The following NR4A1 variants were observed in gnomAD, a reference collection of about 807,000 sequenced individuals.
NR4A1 encodes nuclear receptor subfamily 4immunitygroup A member 1.
In NR4A1, 24 loss-of-function variants were observed where a neutral mutation model predicts 47.5. That is an observed-to-expected ratio of 0.50 (90% CI 0.37 to 0.71). The LOEUF (loss-of-function observed/expected upper bound fraction) is 0.71. NR4A1 is among the 30% of genes least tolerant of loss of function. The pLI, the probability that NR4A1 is intolerant of heterozygous loss-of-function variation, is 0.00. For missense variants in NR4A1, 669 were observed against 788.6 expected, an observed-to-expected ratio of 0.85 and a Z score of 1.82; for synonymous variants, 353 against 345.7, an observed-to-expected ratio of 1.02 and a Z score of -0.24.
intron 1 of NR4A1, chr12:52,037,640 C>CT (rs1214309121): frequency 4.1e-6 from 4 of 985,480 alleles, no homozygotes; most frequent in Non-Finnish European, 4.8e-6. Context: ...AAGGCTTTCT[C>CT]TCCCCAGTCC....
chr12:52,025,063 CT>C (rs532559170), intron 1 of NR4A1, among the ~76,000 whole-genome samples: 1,531 of 132,128 alleles, frequency 0.012, 16 homozygotes, highest in Middle Eastern at 0.037. Flanking sequence ...CTCACTGCTG[CT>C]TTTTTTTTTT....
Position 52,054,947 on chromosome 12 carries a change from C to A in NR4A1, c.619C>A (p.Leu207Met). 2 of 1,614,214 alleles carry A rather than the reference C, an allele frequency of 1.2e-6. No individual in the cohort carries two copies. Among genetic ancestry groups the A allele is most frequent in the Non-Finnish European group, 1.7e-6 (2 of 1,180,036 alleles). The change falls in exon 2 of 7, where the codon CTG (leucine) becomes ATG (methionine). Residue 207 changes from leucine (L) to methionine (M), a missense_variant. Leu to Met is a conservative substitution (Grantham distance 15). Transcript: ENST00000394825. ...GPSPSLAQSP[L>M]KLFPSQATHQ... ...CAGCCCCAGCCTGGCCCAGAGCCCC[C>A]TGAAGTTGTTCCCCTCACAGGCCAC...
chr12:52,057,575 G>T (rs575654816), intron 6 of NR4A1, 45 bp downstream of exon 6: 1 of 1,604,102 alleles, frequency 6.2e-7, no homozygotes, highest in Non-Finnish European at 8.5e-7. Context: ...TGGGCGTCAG[G>T]GGGTTGACTG....
rs560388669 is a variant in NR4A1 at position 52,044,187 on chromosome 12, C to T, written c.37+2258C>T. ...CCCCACAGGGTGTCCGTCCTCCTCT[C>T]CTCTCCACCCCGCCTGGATGAGGCA... On this transcript the variant is annotated intron_variant, in intron 2 of 7. Coordinates refer to the NR4A1 transcript ENST00000360284. Among the ~76,000 whole-genome samples the T allele has an allele frequency of 1.3e-3, 194 of 152,364 alleles. 2 individuals carry two copies. Among genetic ancestry groups the T allele is most frequent in the Non-Finnish European group, 2.3e-3 (154 of 68,034 alleles).
chr12:52,025,642 A>G (rs1228745262), intron 1 of NR4A1, among the ~76,000 whole-genome samples: 1 of 152,102 alleles, frequency 6.6e-6, no homozygotes, highest in East Asian at 1.9e-4. Context: ...GTTCTCTTAT[A>G]AATGTTTTTG....
chr12:52,036,982 G>A (rs1592283404), intron 1 of NR4A1, among the ~76,000 whole-genome samples: 1 of 152,216 alleles, frequency 6.6e-6, no homozygotes, highest in African/African-American at 2.4e-5. Context: ...TTATGTAACC[G>A]GGTGTGCGGC....
chr12:52,057,639 T>C, intron 6 of NR4A1, 109 bp downstream of exon 6: 3 of 1,289,864 alleles, frequency 2.3e-6, no homozygotes, highest in Non-Finnish European at 3.2e-6. Context: ...TCTAGCACTT[T>C]CTGGGCCCCT....
Position 52,038,501 on chromosome 12 carries a change from T to A in NR4A1, c.-83-3309T>A. On this transcript the variant is annotated intron_variant, in intron 1 of 7. Coordinates refer to the NR4A1 transcript ENST00000360284. ...AGGGGCACATTGGGAAAACACAGGC[T>A]GGGCAGAGGTTGGTAGGTTCACAAC... The A allele has an allele frequency of 1.5e-5, 8 of 531,050 alleles. No individual in the cohort carries two copies. The South Asian group carries it at 1.8e-4, about 12-fold the overall frequency. 32.9% of individuals were successfully genotyped at this position (531,050 alleles called of 1,614,324 possible).
At position 52,058,793 on chromosome 12, in the gene NR4A1, C is replaced by A. The variant is rs751369896; in HGVS notation, c.1646C>A (p.Ala549Asp). 5.6e-6 allele frequency: 9 copies of A among 1,612,610 alleles called. No homozygotes were observed. Among genetic ancestry groups the A allele is most frequent in the Middle Eastern group, 1.7e-4 (1 of 6,048 alleles). The change falls in exon 7 of 7, where the codon GCC becomes GAC. Residue 549 changes from alanine (A) to aspartate (D), a missense_variant. By Grantham distance (126) the Ala-to-Asp change is moderately radical (BLOSUM62 -2). Coordinates refer to ENST00000394825, the MANE Select transcript of NR4A1 (RefSeq NM_173157.3). Reference protein sequence around the residue: ...VAAVAGEPQPASCLSRLLGKL... With the variant: ...VAAVAGEPQPDSCLSRLLGKL... ...GCTGTGGCGGGCGAGCCCCAGCCAG[C>A]CAGCTGCCTGTCACGTCTGTTGGGC...
At chr12:52,028,549 C>T (rs748109482) in intron 1 of NR4A1, among the ~76,000 whole-genome samples, 3 of 147,036 alleles carry the variant, frequency 2.0e-5, no homozygotes, top group South Asian at 2.2e-4. Flanking sequence ...ACTCCAGCCT[C>T]GTGACAGAGC....
At chr12:52,033,256 C>T (rs1394612249) in intron 1 of NR4A1, among the ~76,000 whole-genome samples, 4 of 152,166 alleles carry the variant, frequency 2.6e-5, no homozygotes, top group Non-Finnish European at 5.9e-5. Context: ...GTCGCGGGCC[C>T]CTCAGGGAGG....
At chr12:52,049,473 T>C (rs1162340628), upstream of NR4A1, among the ~76,000 whole-genome samples, 1 of 152,084 alleles carries the variant, frequency 6.6e-6, no homozygotes, top group Non-Finnish European at 1.5e-5. Flanking sequence ...GTGGGACCAG[T>C]GAGGCATGGG....
chr12:52,041,441 C>T (rs1565643177), intron 1 of NR4A1, among the ~76,000 whole-genome samples: 2 of 152,146 alleles, frequency 1.3e-5, no homozygotes, highest in Non-Finnish European at 1.5e-5. Context: ...TGGGGTATTC[C>T]GCTCTGTCCT....
chr12:52,050,061 G>T (rs1448546285), upstream of NR4A1, among the ~76,000 whole-genome samples: 2 of 152,276 alleles, frequency 1.3e-5, no homozygotes, highest in South Asian at 2.1e-4. Flanking sequence ...GATGGGGGTC[G>T]CAGTGGGGTG....
At chr12:52,036,672 T>A (rs1368608061) in intron 1 of NR4A1, among the ~76,000 whole-genome samples, 1 of 152,216 alleles carries the variant, frequency 6.6e-6, no homozygotes, top group Non-Finnish European at 1.5e-5. Context: ...AGCTGCCTTC[T>A]CGTGTGGAAG....
chr12:52,050,453 A>G (rs1938865935), upstream of NR4A1, among the ~76,000 whole-genome samples: 1 of 152,198 alleles, frequency 6.6e-6, no homozygotes, highest in African/African-American at 2.4e-5. Flanking sequence ...AAGTGCCATT[A>G]TTTCTCTGAG....
At chr12:52,054,054 C>G (rs1316940279) in intron 1 of NR4A1, 1 of 487,264 alleles carries the variant, frequency 2.1e-6, no homozygotes, top group African/African-American at 1.9e-5. Flanking sequence ...TATGCCTCCC[C>G]TAGGGTTCCC....
At chr12:52,029,308 G>A (rs1263808636) in intron 1 of NR4A1, among the ~76,000 whole-genome samples, 2 of 152,208 alleles carry the variant, frequency 1.3e-5, no homozygotes, top group Admixed American at 1.3e-4. Flanking sequence ...CCCAGACCCT[G>A]CCCATGACTT....
At chr12:52,039,149 C>T (rs1311143158) in intron 1 of NR4A1, among the ~76,000 whole-genome samples, 1 of 152,228 alleles carries the variant, frequency 6.6e-6, no homozygotes, top group Non-Finnish European at 1.5e-5. Context: ...ATCCCTTCCT[C>T]ATAACATTGT....
Sources: gnomAD v4.1 joint callset for allele counts (sites outside exome capture counted in the v4.1 genomes callset) on GRCh38, gnomAD v4.1.1 for gene constraint, MANE v1.5 for transcripts, NCBI Gene and HGNC (gene_info 2026-07-23, HGNC 2026-07-21) for gene names.